Variants in NEGR1 observed in about 807,000 individuals in gnomAD.
The protein encoded by NEGR1 is neuronal growth regulator 1.
A neutral mutation model predicts 40.9 loss-of-function variants in NEGR1; 10 were observed. That is an observed-to-expected ratio of 0.24 (90% CI 0.15 to 0.42). The LOEUF is 0.42. Ranked by LOEUF, NEGR1 falls within the 10% of genes least tolerant of loss-of-function variation. The pLI, the probability that NEGR1 is intolerant of heterozygous loss-of-function variation, is 1.00. For synonymous variants in NEGR1, 185 were observed against 166.8 expected (o/e 1.11, Z -0.84); for missense variants, 352 against 438.9 (o/e 0.80, Z 1.77).
At chr1:71,809,892 G>A (rs956731896) in intron 2 of NEGR1, among the ~76,000 whole-genome samples, 2 of 152,076 alleles carry the variant, frequency 1.3e-5, no homozygotes, top group Non-Finnish European at 2.9e-5. Context: ...CAGACAAATT[G>A]CTTTAAGCAA....
intron 3 of NEGR1, among the ~76,000 whole-genome samples, chr1:71,712,734 T>C (rs149496613): frequency 3.9e-5 from 6 of 152,276 alleles, no homozygotes; most frequent in East Asian, 1.9e-4. Context: ...TCATATCCAA[T>C]TGGAGGATGG....
At chr1:71,596,626 A>AAG (rs1649722132) in intron 5 of NEGR1, among the ~76,000 whole-genome samples, 1 of 152,250 alleles carries the variant, frequency 6.6e-6, no homozygotes, top group South Asian at 2.1e-4. Flanking sequence ...ACTGATTGTT[A>AAG]AGATTACAAA....
At chr1:71,530,259 A>AT (rs1211622618) in intron 6 of NEGR1, among the ~76,000 whole-genome samples, 1 of 151,282 alleles carries the variant, frequency 6.6e-6, no homozygotes, top group Non-Finnish European at 1.5e-5. Context: ...TTTGGATAAC[A>AT]TTTTTTAAAG....
intron 2 of NEGR1, among the ~76,000 whole-genome samples, chr1:71,836,170 C>T (rs1659020792): frequency 6.6e-6 from 1 of 151,920 alleles, no homozygotes. Context: ...TAAATCTACA[C>T]TTTATTTTAA....
rs564851548 is a variant in NEGR1 at position 71,434,817 on chromosome 1, C to T, written c.941-27247G>A. On this transcript the variant is annotated intron_variant, in intron 6 of 6. Transcript: ENST00000357731. ...TTAAAAAAACAAGGGGGAGGCCGGG[C>T]GCGGTGGCTCACGCCTGTAATCCCA... is the stretch of plus-strand genomic sequence containing the variant. 2.6e-5 allele frequency among the ~76,000 whole-genome samples: 4 copies of T among 152,254 alleles called. No individual in the cohort carries two copies. In the South Asian group the frequency reaches 6.2e-4, roughly 24 times the overall value.
At chr1:71,550,553 T>G (rs2101468410) in intron 6 of NEGR1, among the ~76,000 whole-genome samples, 1 of 151,480 alleles carries the variant, frequency 6.6e-6, no homozygotes, top group Non-Finnish European at 1.5e-5. Context: ...ACATCCACAC[T>G]CTCATTCAGG....
chr1:72,150,395 G>A (rs947489202), intron 1 of NEGR1, among the ~76,000 whole-genome samples: 1 of 152,072 alleles, frequency 6.6e-6, no homozygotes, highest in Non-Finnish European at 1.5e-5. Flanking sequence ...AGAAATTGTT[G>A]CTTCTACAAT....
At chr1:71,540,898 G>A (rs1647670607) in intron 6 of NEGR1, among the ~76,000 whole-genome samples, 1 of 151,558 alleles carries the variant, frequency 6.6e-6, no homozygotes, top group Admixed American at 6.6e-5. Flanking sequence ...GGCAAAACGG[G>A]AGCAGACACA....
intron 3 of NEGR1, among the ~76,000 whole-genome samples, chr1:71,740,164 T>C (rs1411076533): frequency 6.6e-6 from 1 of 152,236 alleles, no homozygotes; most frequent in Non-Finnish European, 1.5e-5. Context: ...GCTGTTTATA[T>C]CCTTATGTTC....
intron 2 of NEGR1, among the ~76,000 whole-genome samples, chr1:71,877,086 G>A (rs1217876165): frequency 1.3e-5 from 2 of 151,730 alleles, no homozygotes; most frequent in Admixed American, 6.6e-5. Context: ...TGAGGGTTGC[G>A]AGTGGGAGCA....
intron 1 of NEGR1, among the ~76,000 whole-genome samples, chr1:72,215,694 A>G (rs1176321644): frequency 2.0e-5 from 3 of 152,054 alleles, no homozygotes; most frequent in Non-Finnish European, 4.4e-5. Context: ...GCCATTATTA[A>G]AAAGTCAGGA....
chr1:71,602,502 C>T (rs1317686258), intron 5 of NEGR1, among the ~76,000 whole-genome samples: 3 of 151,980 alleles, frequency 2.0e-5, no homozygotes, highest in South Asian at 2.1e-4. Flanking sequence ...CCGCCCGCCT[C>T]GGCCTCCCAA....
At chr1:72,012,067 T>C (rs949879439) in intron 1 of NEGR1, among the ~76,000 whole-genome samples, 20 of 152,170 alleles carry the variant, frequency 1.3e-4, no homozygotes, top group African/African-American at 3.9e-4. Flanking sequence ...TTTCCAAAAC[T>C]GTGGACAGGT....
At chr1:72,161,886 T>C (rs1194739628) in intron 1 of NEGR1, among the ~76,000 whole-genome samples, 1 of 151,646 alleles carries the variant, frequency 6.6e-6, no homozygotes, top group East Asian at 2.0e-4. Flanking sequence ...AGATGGGTTT[T>C]CACTGTGTTG....
intron 1 of NEGR1, among the ~76,000 whole-genome samples, chr1:71,982,518 T>A (rs1438725223): frequency 1.3e-5 from 2 of 152,130 alleles, no homozygotes; most frequent in African/African-American, 4.8e-5. Context: ...TCTGAATTTG[T>A]TTTTTCATTT....
At chr1:72,158,219 G>A (rs752533337) in intron 1 of NEGR1, among the ~76,000 whole-genome samples, 12 of 152,186 alleles carry the variant, frequency 7.9e-5, no homozygotes, top group Non-Finnish European at 1.6e-4. Flanking sequence ...TGTCTGAAAT[G>A]TAGGCTTTGG....
intron 1 of NEGR1, among the ~76,000 whole-genome samples, chr1:72,179,539 TTAAG>T (rs1294685883): frequency 6.6e-6 from 1 of 152,114 alleles, no homozygotes; most frequent in Non-Finnish European, 1.5e-5. Flanking sequence ...CCAGTAAGTA[TTAAG>T]TAATTATTTA....
At chr1:71,442,546 G>A (rs147070898) in intron 6 of NEGR1, among the ~76,000 whole-genome samples, 25 of 152,160 alleles carry the variant, frequency 1.6e-4, no homozygotes, top group African/African-American at 3.1e-4. Flanking sequence ...CCTGGATGGC[G>A]GAAATTGCAG....
intron 2 of NEGR1, among the ~76,000 whole-genome samples, chr1:71,842,079 T>C (rs1160341490): frequency 6.6e-6 from 1 of 152,186 alleles, no homozygotes. Context: ...TGTCATTGCC[T>C]ATTAGATGAT....
Sources: gnomAD v4.1 joint callset for allele counts (sites outside exome capture counted in the v4.1 genomes callset) on GRCh38, gnomAD v4.1.1 for gene constraint, MANE v1.5 for transcripts, NCBI Gene and HGNC (gene_info 2026-07-23, HGNC 2026-07-21) for gene names.